The following DCLK2 variants were observed in gnomAD, a reference collection of about 807,000 sequenced individuals.
DCLK2 encodes serine/threonine-protein kinase DCLK2.
A neutral mutation model predicts 78.4 loss-of-function variants in DCLK2; 31 were observed. The observed-to-expected ratio is 0.40, with a 90% CI of 0.30 to 0.53. The LOEUF is 0.53. Among genes scored for constraint, DCLK2 ranks in the 20% least tolerant of loss-of-function variants. DCLK2 has a pLI of 0.61. For synonymous variants in DCLK2, 407 were observed against 374.9 expected (o/e 1.09, Z -0.99); for missense variants, 872 against 973.7 (o/e 0.90, Z 1.39).
intron 10 of DCLK2, among the ~76,000 whole-genome samples, chr4:150,239,241 C>G (rs1233308257): frequency 4.6e-5 from 7 of 152,082 alleles, no homozygotes; most frequent in Admixed American, 1.3e-4. Context: ...CACAATTGTG[C>G]AAAATCTCTG....
chr4:150,115,515 AGTT>A (rs1029502645), intron 2 of DCLK2, among the ~76,000 whole-genome samples: 1 of 151,120 alleles, frequency 6.6e-6, no homozygotes, highest in African/African-American at 2.4e-5. Context: ...TTTTTGTTTC[AGTT>A]GTTTATTTTT....
At chr4:150,168,387 C>T (rs1736265005) in intron 2 of DCLK2, among the ~76,000 whole-genome samples, 1 of 151,834 alleles carries the variant, frequency 6.6e-6, no homozygotes, top group South Asian at 2.1e-4. Flanking sequence ...AAACTGTGCA[C>T]TTGATCTCTC....
At chr4:150,200,943 G>A (rs371244054) in intron 4 of DCLK2, among the ~76,000 whole-genome samples, 172 of 152,082 alleles carry the variant, frequency 1.1e-3, no homozygotes, top group African/African-American at 3.6e-3. Context: ...TCAGCCTCCC[G>A]AGTAGCTGGG....
In DCLK2 at chr4:150,249,696, G is replaced by A. The variant is rs761041721; in HGVS notation, c.2073+12G>A. 6.2e-6 allele frequency: 10 copies of A among 1,608,526 alleles called. No homozygotes were observed. The highest frequency in any genetic ancestry group is 5.5e-5 in the South Asian group (5 of 90,966). ...TCTCCGTCATCATGGTGAGTGGAAG[G>A]CGGCAGGTCTGGCCTGACTGCGGAG... On this transcript the variant is annotated intron_variant, in intron 15 of 15. Coordinates refer to ENST00000296550, the MANE Select transcript of DCLK2 (RefSeq NM_001040260.4).
Position 150,132,112 on chromosome 4 carries a change from C to T in DCLK2, c.756+29300C>T, listed in dbSNP as rs542951893. On this transcript the variant is annotated intron_variant, in intron 2 of 15. Transcript: ENST00000296550. ...TGTGAGGCATAGAAGGGCTGCCTTGCCTTTTGCTTAGATGGAAGAAAGGGC... is the reference window on the plus strand; with the variant it reads ...TGTGAGGCATAGAAGGGCTGCCTTGTCTTTTGCTTAGATGGAAGAAAGGGC... 8.5e-5 allele frequency among the ~76,000 whole-genome samples: 13 copies of T among 152,246 alleles called. No individual in the cohort carries two copies. The South Asian group carries it at 2.7e-3, about 32-fold the overall frequency.
chr4:150,196,872 A>G (rs1739076738), intron 3 of DCLK2, among the ~76,000 whole-genome samples: 3 of 152,188 alleles, frequency 2.0e-5, no homozygotes, highest in African/African-American at 4.8e-5. Flanking sequence ...AAAGCTATTC[A>G]GCTGGGCACG....
At chr4:150,211,455 C>T (rs939189307) in intron 5 of DCLK2, among the ~76,000 whole-genome samples, 1 of 152,074 alleles carries the variant, frequency 6.6e-6, no homozygotes, top group East Asian at 1.9e-4. Context: ...ATCACAAGGG[C>T]ATGAGAAACG....
intron 1 of DCLK2, 127 bp from the exon 2 acceptor site, chr4:150,102,351 A>G: frequency 1.3e-6 from 1 of 793,236 alleles, no homozygotes; most frequent in South Asian, 1.9e-5. Context: ...AAAAGGGTGA[A>G]CATCCCCTTT....
chr4:150,148,290 A>G (rs1273234408), intron 2 of DCLK2, among the ~76,000 whole-genome samples: 1 of 151,986 alleles, frequency 6.6e-6, no homozygotes, highest in Non-Finnish European at 1.5e-5. Flanking sequence ...GCTTGAACCC[A>G]GGAGGTTGAG....
intron 2 of DCLK2, among the ~76,000 whole-genome samples, chr4:150,162,741 G>T (rs1403765758): frequency 6.6e-6 from 1 of 152,052 alleles, no homozygotes; most frequent in East Asian, 1.9e-4. Context: ...AAAGTGCTGG[G>T]ATTTTAGGCA....
At chr4:150,252,963 G>C (rs1203694218) in intron 15 of DCLK2, among the ~76,000 whole-genome samples, 1 of 152,014 alleles carries the variant, frequency 6.6e-6, no homozygotes, top group African/African-American at 2.4e-5. Context: ...TGTGACTTTT[G>C]GGCTGTCCCA....
chr4:150,130,318 C>A (rs972048359), intron 2 of DCLK2, among the ~76,000 whole-genome samples: 9 of 151,968 alleles, frequency 5.9e-5, no homozygotes, highest in Non-Finnish European at 1.2e-4. Context: ...TACTAGCCAG[C>A]CAGAAGACAG....
At position 150,155,231 on chromosome 4, in the gene DCLK2, C is replaced by T. The variant is rs989328671; in HGVS notation, c.757-37907C>T. 9.2e-5 allele frequency among the ~76,000 whole-genome samples: 14 copies of T among 152,142 alleles called. No homozygotes were observed. In the South Asian group the frequency reaches 2.1e-3, roughly 23 times the overall value. On this transcript the variant is annotated intron_variant, in intron 2 of 15. Transcript: ENST00000296550. ...GGGCAACAGAACAAGACCTTGTCTC[C>T]AAAAAGTAAAAATACGTAACAGTAG...
At chr4:150,187,512 C>T (rs1034461006) in intron 2 of DCLK2, among the ~76,000 whole-genome samples, 3 of 152,216 alleles carry the variant, frequency 2.0e-5, no homozygotes, top group Admixed American at 2.0e-4. Context: ...TGACCACCCT[C>T]TTTAGTACTG....
chr4:150,178,399 A>G (rs1303741493), intron 2 of DCLK2, among the ~76,000 whole-genome samples: 2 of 152,212 alleles, frequency 1.3e-5, no homozygotes, highest in African/African-American at 4.8e-5. Context: ...CACTTTTAAA[A>G]TGTTGCCATA....
chr4:150,160,475 A>G (rs956941125), intron 2 of DCLK2, among the ~76,000 whole-genome samples: 3 of 152,204 alleles, frequency 2.0e-5, no homozygotes, highest in African/African-American at 4.8e-5. Flanking sequence ...GTTTATCTGT[A>G]TATTTTGAGA....
chr4:150,193,188 T>C lies in DCLK2; in HGVS notation c.807T>C (p.Cys269=). The C allele has an allele frequency of 6.2e-7, 1 of 1,611,954 alleles. No individual in the cohort carries two copies. The highest frequency in any genetic ancestry group is 2.2e-5 in the East Asian group (1 of 44,812). The part of the protein sequence containing the change: ...FFGDDDVFIA[C]GPEKFRYAQD... ...GTGATGACGATGTTTTTATTGCATGTGGACCAGAAAAATTTCGTTATGCCC... is the reference window on the plus strand; with the variant it reads ...GTGATGACGATGTTTTTATTGCATGCGGACCAGAAAAATTTCGTTATGCCC... The change falls in exon 3 of 16, where the codon TGT becomes TGC. Residue 269 remains cysteine, a synonymous_variant. Transcript: ENST00000296550.
intron 2 of DCLK2, among the ~76,000 whole-genome samples, chr4:150,104,802 C>T (rs182447406): frequency 1.3e-5 from 2 of 152,054 alleles, no homozygotes; most frequent in East Asian, 3.9e-4. Flanking sequence ...TCTGAAACAA[C>T]AAGCCAATGT....
intron 2 of DCLK2, among the ~76,000 whole-genome samples, chr4:150,136,979 CTTTTTTTT>C (rs35729685): frequency 1.2e-4 from 10 of 82,406 alleles, no homozygotes; most frequent in African/African-American, 4.5e-4. Context: ...TCTTCTTCTT[CTTTTTTTT>C]TTTTTTTTTT....
Sources: gnomAD v4.1 joint callset for allele counts (sites outside exome capture counted in the v4.1 genomes callset) on GRCh38, gnomAD v4.1.1 for gene constraint, MANE v1.5 for transcripts, NCBI Gene and HGNC (gene_info 2026-07-23, HGNC 2026-07-21) for gene names.